The following CCT7 variants were observed in gnomAD, a reference collection of about 807,000 sequenced individuals.
CCT7 encodes the protein chaperonin containing TCP1 subunit 7.
Under a neutral mutation model 56.6 loss-of-function variants are expected in CCT7, and 16 were observed. That is an observed-to-expected ratio of 0.28 (90% CI 0.19 to 0.43). The LOEUF is 0.43. CCT7 is among the 20% of genes least tolerant of loss of function. The probability of loss-of-function intolerance (pLI) is 1.00; values close to 1 mark genes in which losing one functional copy is unlikely to be tolerated. For synonymous variants in CCT7, 262 were observed against 254.8 expected, an observed-to-expected ratio of 1.03 and a Z score of -0.27; for missense variants, 519 against 685.6, an observed-to-expected ratio of 0.76 and a Z score of 2.71.
Position 73,244,590 on chromosome 2 carries a change from T to G in CCT7, c.493T>G (p.Ser165Ala). 1 of 1,613,792 alleles carries G rather than the reference T, an allele frequency of 6.2e-7. No homozygotes were observed. The highest frequency in any genetic ancestry group is 8.5e-7 in the Non-Finnish European group (1 of 1,179,774). The change falls in exon 6 of 12, where the codon TCC (serine) becomes GCC (alanine). Residue 165 changes from serine (S) to alanine (A), a missense_variant. This residue lies in a region of CCT7 where 276 missense variants were observed against 357.3 expected (regional missense o/e 0.77). Coordinates refer to ENST00000258091, the MANE Select transcript of CCT7 (RefSeq NM_006429.4). ...LEKCAMTALSSKLISQQKAFF... is the reference protein window; with the variant it reads ...LEKCAMTALSAKLISQQKAFF... ...AAAGTGTGCCATGACCGCTCTGAGC[T>G]CCAAGCTGATCTCCCAGCAGAAAGC...
intron 6 of CCT7, among the ~76,000 whole-genome samples, chr2:73,245,560 CCTT>C (rs1322919163): frequency 2.0e-5 from 3 of 152,354 alleles, no homozygotes; most frequent in South Asian, 2.1e-4. Flanking sequence ...CAGCACAACT[CCTT>C]CTTTTTAACA....
At position 73,249,805 on chromosome 2, in the gene CCT7, TC is replaced by T; in HGVS notation, c.973-12del. On this transcript the variant is annotated splice_polypyrimidine_tract_variant and intron_variant, in intron 8 of 11. Transcript: ENST00000258091. ...GAACCTTCACTGCTAGATCTTGCCT[TC>T]CTTGCTCCCTAGGCCTGTGGAGGCT... is the stretch of plus-strand genomic sequence containing the variant. 1.3e-6 allele frequency: 2 copies of T among 1,598,504 alleles called. No homozygotes were observed. The highest frequency in any genetic ancestry group is 1.7e-6 in the Non-Finnish European group (2 of 1,165,796).
chr2:73,250,947 G>A lies in CCT7; in HGVS notation c.1204-279G>A, dbSNP rs146680669. 2.3e-4 allele frequency among the ~76,000 whole-genome samples: 35 copies of A among 151,980 alleles called. 1 individual carries two copies. The highest frequency in any genetic ancestry group is 7.7e-4 in the African/African-American group (32 of 41,460). ...AGAGCAAGCAGAAGAAAAAGACTTC[G>A]TTTTGTTAGCAAACTGGAGCTAATG... On this transcript the variant is annotated intron_variant, in intron 10 of 11. Coordinates refer to ENST00000258091, the MANE Select transcript of CCT7 (RefSeq NM_006429.4).
intron 3 of CCT7, 75 bp downstream of exon 3, chr2:73,240,618 T>A (rs1189326499): frequency 1.3e-5 from 10 of 770,958 alleles, no homozygotes; most frequent in Non-Finnish European, 2.0e-5. Flanking sequence ...CTCTATTAAA[T>A]TTTTTTAAGA....
Position 73,249,755 on chromosome 2 carries a change from G to A in CCT7, c.973-64G>A, listed in dbSNP as rs1687492626. 2.7e-6 allele frequency: 3 copies of A among 1,110,248 alleles called. No homozygotes were observed. The South Asian group carries it at 3.7e-5, about 14-fold the overall frequency. 68.8% of individuals were successfully genotyped at this position (1,110,248 alleles called of 1,614,324 possible). On this transcript the variant is annotated intron_variant, in intron 8 of 11. Coordinates refer to ENST00000258091, the MANE Select transcript of CCT7 (RefSeq NM_006429.4). ...GCGTGGGAATTGGCTTTGAGACGAG[G>A]TGGCAGGAAGCTGCCTGGCCTCGGG... is the stretch of plus-strand genomic sequence containing the variant.
chr2:73,248,010 C>A, intron 7 of CCT7, 84 bp downstream of exon 7: 1 of 1,228,930 alleles, frequency 8.1e-7, no homozygotes, highest in Non-Finnish European at 1.2e-6. Flanking sequence ...CTATTGTGGG[C>A]CCCTTTCTCT....
At chr2:73,251,867 AG>A (rs1315690423) in intron 11 of CCT7, among the ~76,000 whole-genome samples, 2 of 151,978 alleles carry the variant, frequency 1.3e-5, no homozygotes, top group African/African-American at 4.8e-5. Flanking sequence ...TGAACCCAGG[AG>A]GCAGAGCTTG....
chr2:73,246,891 A>C (rs1177611067), intron 6 of CCT7, among the ~76,000 whole-genome samples: 1 of 152,228 alleles, frequency 6.6e-6, no homozygotes, highest in Non-Finnish European at 1.5e-5. Flanking sequence ...CCCATGGGTT[A>C]CAGTATTATA....
At chr2:73,244,169 G>A (rs1687232948) in intron 5 of CCT7, 120 bp downstream of exon 5, 2 of 1,012,226 alleles carry the variant, frequency 2.0e-6, no homozygotes, top group Admixed American at 2.5e-5. Flanking sequence ...CAAAGTGCTG[G>A]GATTACAGGT....
intron 4 of CCT7, chr2:73,243,787 C>T: frequency 1.7e-6 from 1 of 585,954 alleles, no homozygotes; most frequent in Non-Finnish European, 3.0e-6. Flanking sequence ...GAACTGTATA[C>T]CCACTCTGCA....
At chr2:73,246,476 T>C (rs1166177072) in intron 6 of CCT7, among the ~76,000 whole-genome samples, 1 of 152,248 alleles carries the variant, frequency 6.6e-6, no homozygotes, top group Non-Finnish European at 1.5e-5. Flanking sequence ...TCTGGTACTA[T>C]TGCCACCCCT....
At position 73,244,453 on chromosome 2, in the gene CCT7, C is replaced by G. The variant is rs962998306; in HGVS notation, c.447-91C>G. 6.1e-6 allele frequency: 7 copies of G among 1,151,134 alleles called. No homozygotes were observed. The Admixed American group carries it at 1.1e-4, about 17-fold the overall frequency. 71.3% of individuals were successfully genotyped at this position (1,151,134 alleles called of 1,614,324 possible). ...AGTTGGAGAGGGCTGAGTTTAGAGA[C>G]TGGAAGGGAACTACCTCCACACTGT... On this transcript the variant is annotated intron_variant, in intron 5 of 11. Transcript: ENST00000258091.
At chr2:73,238,862 A>G (rs138838922) in intron 1 of CCT7, among the ~76,000 whole-genome samples, 207 of 152,334 alleles carry the variant, frequency 1.4e-3, no homozygotes, top group African/African-American at 4.6e-3. Context: ...AAAACAAGCA[A>G]GTATCCCTGT....
In CCT7 at chr2:73,250,473, ACTCT is replaced by A. The variant is rs767488781; in HGVS notation, c.1203+39_1203+42del. On this transcript the variant is annotated intron_variant, in intron 10 of 11. Transcript: ENST00000258091. ...TGATATCCTCCTGCTTGCACAGCCTACTCTCTCCTATCTCCCTAGCTGATCAGAC... is the reference window on the plus strand; with the variant it reads ...TGATATCCTCCTGCTTGCACAGCCTACTCCTATCTCCCTAGCTGATCAGAC... The A allele has an allele frequency of 2.5e-6, 4 of 1,609,840 alleles. No homozygotes were observed. In the African/African-American group the frequency reaches 4.0e-5, roughly 16 times the overall value.
At chr2:73,252,324 G>GATAT (rs57359293) in intron 11 of CCT7, among the ~76,000 whole-genome samples, 6,773 of 127,244 alleles carry the variant, frequency 0.053, 276 homozygotes, top group African/African-American at 0.095. Context: ...CTCATTGTTT[G>GATAT]ATATATATAT....
In CCT7 at chr2:73,234,529, C is replaced by T. The variant is rs1686773628; in HGVS notation, c.6+145C>T. 5.1e-6 allele frequency: 5 copies of T among 983,056 alleles called. No individual in the cohort carries two copies. In the Admixed American group the frequency reaches 1.1e-4, roughly 21 times the overall value. 60.9% of individuals were successfully genotyped at this position (983,056 alleles called of 1,614,324 possible). On this transcript the variant is annotated intron_variant, in intron 1 of 11. Transcript: ENST00000258091. ...ATCCCCAGCTTAGGGGCGACCCCAGCCAGCCGCGGCCTGGCTCGGCCCGAG... is the reference window on the plus strand; with the variant it reads ...ATCCCCAGCTTAGGGGCGACCCCAGTCAGCCGCGGCCTGGCTCGGCCCGAG...
In CCT7 at chr2:73,240,601, A is replaced by G. The variant is rs539989460; in HGVS notation, c.267+58A>G. 1.3e-5 allele frequency: 13 copies of G among 1,009,426 alleles called. No homozygotes were observed. The East Asian group carries it at 2.4e-4, about 19-fold the overall frequency. 62.5% of individuals were successfully genotyped at this position (1,009,426 alleles called of 1,614,324 possible). A position where few individuals can be genotyped will look rare whatever the true frequency, so the allele number is the denominator to read the frequency against. Reference sequence around the variant, plus strand: ...TGAAACACATGCTTGCTTGCTCCTTAGTTCTCCTCTATTAAATTTTTTTAA... The same window carrying G: ...TGAAACACATGCTTGCTTGCTCCTTGGTTCTCCTCTATTAAATTTTTTTAA... On this transcript the variant is annotated intron_variant, in intron 3 of 11. Coordinates refer to ENST00000258091, the MANE Select transcript of CCT7 (RefSeq NM_006429.4).
At chr2:73,248,443 T>C (rs891477540) in intron 7 of CCT7, among the ~76,000 whole-genome samples, 1 of 152,044 alleles carries the variant, frequency 6.6e-6, no homozygotes, top group Non-Finnish European at 1.5e-5. Flanking sequence ...CTCTGCCTCC[T>C]GGGTTCAAGT....
chr2:73,234,972 C>T (rs1460699961), intron 1 of CCT7, among the ~76,000 whole-genome samples: 1 of 152,168 alleles, frequency 6.6e-6, no homozygotes, highest in Admixed American at 6.5e-5. Flanking sequence ...TTAGTGCCTA[C>T]TGAATGTACC....
Sources: gnomAD v4.1 joint callset for allele counts (sites outside exome capture counted in the v4.1 genomes callset) on GRCh38, gnomAD v4.1.1 for gene constraint, gnomAD v4.1.1 regional missense constraint, MANE v1.5 for transcripts, NCBI Gene and HGNC (gene_info 2026-07-23, HGNC 2026-07-21) for gene names.